The following ANXA13 variants were observed in gnomAD, a reference collection of about 807,000 sequenced individuals.
ANXA13 encodes annexin A13.
In ANXA13, 36 loss-of-function variants were observed where a neutral mutation model predicts 46.6. The ratio of observed to expected loss-of-function variants is 0.77; its 90% CI spans 0.59 to 1.02. ANXA13 has a LOEUF of 1.02. Ranked by LOEUF, ANXA13 falls within the 50% of genes least tolerant of loss-of-function variation. The pLI, the probability that ANXA13 is intolerant of heterozygous loss-of-function variation, is 0.00. For missense variants in ANXA13, 417 were observed against 396.5 expected, an observed-to-expected ratio of 1.05 and a Z score of -0.44; for synonymous variants, 163 against 152.9, an observed-to-expected ratio of 1.07 and a Z score of -0.49.
At chr8:123,724,819 A>G (rs980832344) in intron 1 of ANXA13, among the ~76,000 whole-genome samples, 1 of 152,226 alleles carries the variant, frequency 6.6e-6, no homozygotes, top group African/African-American at 2.4e-5. Flanking sequence ...CAAACTGCAG[A>G]CTGAGGACCA....
At chr8:123,698,581 C>T (rs763071345) in intron 3 of ANXA13, 22 bp from the exon 4 acceptor site, 24 of 1,612,134 alleles carry the variant, frequency 1.5e-5, no homozygotes, top group East Asian at 4.5e-5. Context: ...CAGTGAGAGA[C>T]GTGCTGGGAA....
chr8:123,715,332 A>C (rs906812388), intron 1 of ANXA13, among the ~76,000 whole-genome samples: 1 of 152,236 alleles, frequency 6.6e-6, no homozygotes, highest in African/African-American at 2.4e-5. Context: ...ATTCTGAAGG[A>C]GCTGGTCCTC....
chr8:123,731,985 G>T (rs1314446799), intron 1 of ANXA13, among the ~76,000 whole-genome samples: 1 of 152,210 alleles, frequency 6.6e-6, no homozygotes. Flanking sequence ...ATCCAATCCA[G>T]CTTGGGGGGC....
chr8:123,705,090 C>T (rs1813516035), intron 2 of ANXA13, among the ~76,000 whole-genome samples: 3 of 152,238 alleles, frequency 2.0e-5, no homozygotes, highest in Admixed American at 2.0e-4. Context: ...CATGGCATCA[C>T]ACGGATTAGA....
chr8:123,726,846 A>G (rs998570647), intron 1 of ANXA13, among the ~76,000 whole-genome samples: 2 of 152,252 alleles, frequency 1.3e-5, no homozygotes, highest in Admixed American at 6.5e-5. Context: ...GCTGTGGTAT[A>G]TATATACAAT....
At chr8:123,706,254 A>G (rs555133126) in intron 2 of ANXA13, among the ~76,000 whole-genome samples, 65 of 152,354 alleles carry the variant, frequency 4.3e-4, no homozygotes, top group Admixed American at 1.3e-3. Flanking sequence ...TTAAAAAAAA[A>G]CTTCGGAGTG....
At chr8:123,726,889 TA>T (rs1814010030) in intron 1 of ANXA13, among the ~76,000 whole-genome samples, 1 of 152,218 alleles carries the variant, frequency 6.6e-6, no homozygotes, top group African/African-American at 2.4e-5. Flanking sequence ...AGGAATGAAT[TA>T]ATGGCATTTG....
chr8:123,695,102 A>T (rs2129846704), intron 6 of ANXA13, among the ~76,000 whole-genome samples: 1 of 151,850 alleles, frequency 6.6e-6, no homozygotes, highest in Middle Eastern at 3.4e-3. Context: ...GTAATTGTAG[A>T]GTTGTGTTGT....
chr8:123,702,680 G>A lies in ANXA13; in HGVS notation c.148C>T (p.Gln50Ter), dbSNP rs554458607. ...GCCTTGTACTTTTGCTTGATTTGTT[G>A]CCTCTCATCTGATGTCCTGCCCGAT... Reference protein sequence around the residue: ...ILSGRTSDERQQIKQKYKATY... With the variant: ...ILSGRTSDER Residue 50 changes from glutamine to a stop codon, truncating the protein, a stop_gained, in exon 3 of 11, where the codon CAA (glutamine) becomes TAA (stop). Transcript: ENST00000419625. LOFTEE classifies it high-confidence loss of function. The A allele has an allele frequency of 1.2e-6, 2 of 1,614,000 alleles. No homozygotes were observed. Among genetic ancestry groups the A allele is most frequent in the Middle Eastern group, 3.3e-4 (2 of 6,062 alleles).
intron 7 of ANXA13, among the ~76,000 whole-genome samples, 196 bp from the exon 8 acceptor site, chr8:123,693,494 C>G (rs1470024863): frequency 1.3e-5 from 2 of 152,078 alleles, no homozygotes; most frequent in Non-Finnish European, 2.9e-5. Context: ...ATTCTTTGTT[C>G]CAAAACAGAT....
chr8:123,707,993 C>T (rs536639408), intron 2 of ANXA13, among the ~76,000 whole-genome samples: 1 of 152,150 alleles, frequency 6.6e-6, no homozygotes. Context: ...CACTGGATTT[C>T]CCCCAAGTTC....
At chr8:123,732,185 A>G (rs150965330) in intron 1 of ANXA13, among the ~76,000 whole-genome samples, 1 of 152,214 alleles carries the variant, frequency 6.6e-6, no homozygotes, top group Non-Finnish European at 1.5e-5. Flanking sequence ...TAGCTGTCCA[A>G]CTAGGAACAA....
intron 1 of ANXA13, among the ~76,000 whole-genome samples, chr8:123,717,395 C>T (rs1813776701): frequency 6.6e-6 from 1 of 152,130 alleles, no homozygotes; most frequent in South Asian, 2.1e-4. Flanking sequence ...AAGTGATATC[C>T]AAGCAGATTT....
intron 8 of ANXA13, among the ~76,000 whole-genome samples, chr8:123,689,303 T>A (rs1813192027): frequency 6.7e-6 from 1 of 149,550 alleles, no homozygotes; most frequent in Admixed American, 6.7e-5. Flanking sequence ...CATAGATTTT[T>A]TTTTTAACAT....
chr8:123,689,032 C>T, intron 8 of ANXA13, 86 bp from the exon 9 acceptor site: 1 of 1,305,656 alleles, frequency 7.7e-7, no homozygotes, highest in Non-Finnish European at 1.1e-6. Context: ...AAAAAGCACT[C>T]AAGTTTTCCA....
rs765618274 is a variant in ANXA13, at chr8:123,693,722, C to A, written c.529G>T (p.Asp177Tyr). 15 of 1,613,892 alleles carry A rather than the reference C, an allele frequency of 9.3e-6. No individual in the cohort carries two copies. Among genetic ancestry groups the A allele is most frequent in the Middle Eastern group, 1.6e-4 (1 of 6,084 alleles). The change falls in exon 7 of 11, where the codon GAT (aspartate) becomes TAT (tyrosine). Residue 177 changes from aspartate to tyrosine, a missense_variant. Physicochemically the swap from Asp to Tyr is radical, Grantham distance 160 (BLOSUM62 -3). Transcript: ENST00000419625. ...DKDLAGQDAK[D>Y]LYDAGEGRWG... The stretch of plus-strand genomic sequence containing the variant: ...GTCTGCACACATACATCATACAGAT[C>A]TTTGGCATCCTGACCAGCTAGATCT...
intron 1 of ANXA13, among the ~76,000 whole-genome samples, chr8:123,728,918 T>C (rs1455159506): frequency 2.0e-5 from 3 of 152,196 alleles, no homozygotes; most frequent in Non-Finnish European, 4.4e-5. Context: ...TCCCCATTAT[T>C]TGGAAAGAGA....
At chr8:123,700,985 G>A (rs1813437189) in intron 3 of ANXA13, among the ~76,000 whole-genome samples, 1 of 152,010 alleles carries the variant, frequency 6.6e-6, no homozygotes, top group African/African-American at 2.4e-5. Context: ...ACCATGCCCA[G>A]CTAATTTTTT....
Position 123,732,874 on chromosome 8 carries a change from G to A in ANXA13, c.15+4446C>T, listed in dbSNP as rs182346714. On this transcript the variant is annotated intron_variant, in intron 1 of 10. Coordinates refer to ENST00000419625, the MANE Select transcript of ANXA13 (RefSeq NM_004306.4). ...GCATTCTGAAGGACTAACTTTCTGGGATAATAGATTTCCTGAGGTCAAGTG... is the reference window on the plus strand; with the variant it reads ...GCATTCTGAAGGACTAACTTTCTGGAATAATAGATTTCCTGAGGTCAAGTG... Among the ~76,000 whole-genome samples, 926 of 152,234 alleles carry A rather than the reference G, an allele frequency of 6.1e-3. 5 individuals are homozygous for A. Among genetic ancestry groups the A allele is most frequent in the Non-Finnish European group, 9.6e-3 (651 of 68,008 alleles).
Sources: allele counts gnomAD v4.1 joint callset (sites outside exome capture counted in the v4.1 genomes callset), GRCh38; gene constraint gnomAD v4.1.1; transcripts MANE v1.5; gene names NCBI Gene and HGNC (gene_info 2026-07-23, HGNC 2026-07-21).